KAT14: variants seen among roughly 807,000 people sequenced by gnomAD.
KAT14 encodes cysteine-rich protein 2-binding protein.
Under a neutral mutation model 78.4 loss-of-function variants are expected in KAT14, and 66 were observed. That is an observed-to-expected ratio of 0.84 (90% CI 0.69 to 1.03). The LOEUF (loss-of-function observed/expected upper bound fraction) is 1.03, where lower values mean the gene tolerates loss of function less well. KAT14 is among the 50% of genes least tolerant of loss of function. KAT14 has a pLI of 0.00. For missense variants in KAT14, 870 were observed against 972.5 expected, an observed-to-expected ratio of 0.89 and a Z score of 1.40; for synonymous variants, 344 against 359.4, an observed-to-expected ratio of 0.96 and a Z score of 0.48.
intron 5 of KAT14, among the ~76,000 whole-genome samples, chr20:18,160,941 G>A (rs1051092468): frequency 2.0e-5 from 3 of 152,066 alleles, no homozygotes; most frequent in Admixed American, 6.5e-5. Flanking sequence ...TTGGGAGGCC[G>A]AGACAGGTGG....
At chr20:18,151,432 A>G (rs912671395) in intron 4 of KAT14, among the ~76,000 whole-genome samples, 10 of 151,718 alleles carry the variant, frequency 6.6e-5, no homozygotes, top group African/African-American at 2.4e-4. Flanking sequence ...CCTGACCACA[A>G]GTGATCTGTC....
In KAT14 at chr20:18,161,991, G is replaced by A; in HGVS notation, c.851G>A (p.Ser284Asn). 6.2e-7 allele frequency: 1 copy of A among 1,614,250 alleles called. No homozygotes were observed. Among genetic ancestry groups the A allele is most frequent in the Non-Finnish European group, 8.5e-7 (1 of 1,180,044 alleles). ...QKEAAGFLDR[S>N]TSSTPVKFIS... is the part of the protein sequence containing the mutation. The stretch of plus-strand genomic sequence containing the variant: ...GAGGCCGCTGGCTTTCTTGACAGGA[G>A]CACATCTTCTACCCCTGTAAAATTC... Residue 284 changes from serine to asparagine, a missense_variant, in exon 6 of 11, where the codon AGC (serine) becomes AAC (asparagine). Transcript: ENST00000688188.
chr20:18,141,923 T>G (rs903568243), intron 1 of KAT14, among the ~76,000 whole-genome samples: 6 of 149,294 alleles, frequency 4.0e-5, no homozygotes, highest in Non-Finnish European at 7.4e-5. Flanking sequence ...ATAGTGCCAG[T>G]TTTTTTTTTC....
At position 18,162,383 on chromosome 20, in the gene KAT14, A is replaced by G. The variant is rs772516270; in HGVS notation, c.1106A>G (p.Asp369Gly). Residue 369 changes from aspartate to glycine, a missense_variant, in exon 7 of 11, where the codon GAT becomes GGT. Coordinates refer to ENST00000688188, the MANE Select transcript of KAT14 (RefSeq NM_001392073.1). ...TGTTTTGTACTCTGCACAGATGACG[A>G]TGAGATGGAAGGCGATGGAGTCATA... ...MPPQALFHDD[D>G]EMEGDGVIDP... 5 of 1,611,638 alleles carry G rather than the reference A, an allele frequency of 3.1e-6. No homozygotes were observed. The South Asian group carries it at 5.5e-5, about 18-fold the overall frequency.
intron 1 of KAT14, 74 bp downstream of exon 1, chr20:18,138,125 C>G (rs1453240006): frequency 7.2e-7 from 1 of 1,387,654 alleles, no homozygotes. Context: ...GGTCTCTGCC[C>G]GCTCGGTTCC....
intron 1 of KAT14, chr20:18,138,269 A>T: frequency 8.2e-7 from 1 of 1,225,144 alleles, no homozygotes; most frequent in South Asian, 3.5e-5. Context: ...CCGCAGATTC[A>T]GGACGACCCG....
chr20:18,167,982 G>A (rs1003965760), intron 7 of KAT14, among the ~76,000 whole-genome samples: 5 of 151,168 alleles, frequency 3.3e-5, no homozygotes, highest in East Asian at 1.9e-4. Flanking sequence ...TTATTCACTC[G>A]TCCTATTGTT....
chr20:18,142,381 A>C lies in KAT14; in HGVS notation c.-280A>C. 1 of 1,530,884 alleles carries C rather than the reference A, an allele frequency of 6.5e-7. No homozygotes were observed. The highest frequency in any genetic ancestry group is 1.2e-5 in the South Asian group (1 of 83,470). 94.8% of individuals were successfully genotyped at this position (1,530,884 alleles called of 1,614,324 possible). ...GACTTGAATGTGAAATATCTGTTGG[A>C]CAGACAACACGAGTTTGTGTGTGTG... On this transcript the variant is annotated 5_prime_UTR_variant, in exon 2 of 11. Coordinates refer to ENST00000688188, the MANE Select transcript of KAT14 (RefSeq NM_001392073.1).
At chr20:18,138,584 T>C (rs2037393961) in intron 1 of KAT14, 3 of 423,826 alleles carry the variant, frequency 7.1e-6, no homozygotes, top group Non-Finnish European at 9.5e-6. Flanking sequence ...CCGTACTCAC[T>C]CTCCATGCCT....
chr20:18,161,204 C>T (rs2038408178), intron 5 of KAT14, among the ~76,000 whole-genome samples: 3 of 151,552 alleles, frequency 2.0e-5, no homozygotes, highest in Non-Finnish European at 4.4e-5. Context: ...CATTGAAATG[C>T]CCATGAAAAT....
At chr20:18,139,666 GTGTGTGTGTT>G (rs983900990) in intron 1 of KAT14, among the ~76,000 whole-genome samples, 24 of 85,654 alleles carry the variant, frequency 2.8e-4, no homozygotes, top group African/African-American at 8.0e-4. Context: ...GTGTGTGTGT[GTGTGTGTGTT>G]TATTTTTTTT....
intron 1 of KAT14, among the ~76,000 whole-genome samples, chr20:18,140,993 G>C (rs2037528904): frequency 7.0e-6 from 1 of 143,290 alleles, no homozygotes; most frequent in Non-Finnish European, 1.5e-5. Flanking sequence ...GAGTAGCTGG[G>C]AACACAGGCA....
chr20:18,138,181 C>A, intron 1 of KAT14, 130 bp downstream of exon 1: 5 of 1,289,226 alleles, frequency 3.9e-6, no homozygotes, highest in Non-Finnish European at 2.9e-6. Context: ...CGGCCCTGCA[C>A]CCCACGCGTT....
At chr20:18,185,827 A>G (rs556203798) in intron 10 of KAT14, among the ~76,000 whole-genome samples, 1 of 152,192 alleles carries the variant, frequency 6.6e-6, no homozygotes, top group Non-Finnish European at 1.5e-5. Flanking sequence ...ATAATTCCCA[A>G]ATGTTGGCAG....
At chr20:18,163,052 A>T in intron 7 of KAT14, 107 bp downstream of exon 7, 1 of 1,394,520 alleles carries the variant, frequency 7.2e-7, no homozygotes, top group South Asian at 1.5e-5. Flanking sequence ...AATCCTGAGT[A>T]ATTTGGGAAG....
chr20:18,161,432 T>C (rs2038416837), intron 5 of KAT14, among the ~76,000 whole-genome samples: 1 of 152,186 alleles, frequency 6.6e-6, no homozygotes, highest in African/African-American at 2.4e-5. Flanking sequence ...AACTTCTTTT[T>C]TCTCAAGAGA....
intron 7 of KAT14, among the ~76,000 whole-genome samples, chr20:18,163,896 C>T (rs945505680): frequency 1.1e-4 from 17 of 152,268 alleles, no homozygotes; most frequent in African/African-American, 3.6e-4. Flanking sequence ...ATATTGGACC[C>T]TGTAGATTAA....
chr20:18,160,621 A>T (rs917317096), intron 5 of KAT14, among the ~76,000 whole-genome samples: 1 of 151,998 alleles, frequency 6.6e-6, no homozygotes, highest in Non-Finnish European at 1.5e-5. Flanking sequence ...AACATTTTTA[A>T]AAAGTAATAG....
chr20:18,162,354 A>G (rs1276305681), intron 6 of KAT14, 23 bp from the exon 7 acceptor site: 2 of 1,604,106 alleles, frequency 1.2e-6, no homozygotes, highest in Non-Finnish European at 1.7e-6. Flanking sequence ...TGTCTTGATG[A>G]CACTGTTTTG....
Sources: allele counts gnomAD v4.1 joint callset (sites outside exome capture counted in the v4.1 genomes callset), GRCh38; gene constraint gnomAD v4.1.1; transcripts MANE v1.5; gene names NCBI Gene and HGNC (gene_info 2026-07-23, HGNC 2026-07-21).